WDTC1: variants seen among roughly 807,000 people sequenced by gnomAD.
WDTC1 encodes WD and tetratricopeptide repeats 1, also known as WD and tetratricopeptide repeats protein 1.
Under a neutral mutation model 76.0 loss-of-function variants are expected in WDTC1, and 12 were observed. That is an observed-to-expected ratio of 0.16 (90% CI 0.10 to 0.26). WDTC1 has a LOEUF of 0.26. Ranked by LOEUF, WDTC1 falls within the 10% of genes least tolerant of loss-of-function variation. The probability of loss-of-function intolerance (pLI) is 1.00; values close to 1 mark genes in which losing one functional copy is unlikely to be tolerated. For synonymous variants in WDTC1, 326 were observed against 350.8 expected (o/e 0.93, Z 0.79); for missense variants, 511 against 908.8 (o/e 0.56, Z 5.63).
At chr1:27,258,534 AAAAAAAAG>A (rs1382746315) in intron 1 of WDTC1, among the ~76,000 whole-genome samples, 4 of 151,226 alleles carry the variant, frequency 2.6e-5, no homozygotes, top group Non-Finnish European at 5.9e-5. Context: ...TCTGCCAAAA[AAAAAAAAG>A]AAAAAAAAAG....
chr1:27,242,688 C>A, intron 1 of WDTC1, among the ~76,000 whole-genome samples: 1 of 152,104 alleles, frequency 6.6e-6, no homozygotes, highest in Non-Finnish European at 1.5e-5. Context: ...AGGCTGGCCT[C>A]AAACTCCTGA....
chr1:27,267,350 G>T (rs1307233896), intron 3 of WDTC1, among the ~76,000 whole-genome samples: 1 of 151,794 alleles, frequency 6.6e-6, no homozygotes, highest in African/African-American at 2.4e-5. Context: ...GGCTGAAGCA[G>T]TTCTTGTGCC....
chr1:27,264,268 A>G (rs942508377), intron 3 of WDTC1, among the ~76,000 whole-genome samples: 3 of 152,138 alleles, frequency 2.0e-5, no homozygotes, highest in Admixed American at 2.0e-4. Context: ...ATCCTGGACA[A>G]CAGAGTGAAA....
rs142112567 is a variant in WDTC1, at chr1:27,303,643, C to T, written c.1491C>T (p.Gly497=). 1,377 of 1,602,430 alleles carry T rather than the reference C, an allele frequency of 8.6e-4. 8 individuals carry two copies. Among genetic ancestry groups the T allele is most frequent in the South Asian group, 2.0e-3 (181 of 89,508 alleles). ...NDGEEKKGPG[G]GAPVRLRSTS... is the part of the protein sequence containing the mutation. ...CAGAGGAGAAGAAGGGACCTGGTGG[C>T]GGCGCCCCAGTCCGCCTCCGCAGCA... is the stretch of plus-strand genomic sequence containing the variant. The change falls in exon 14 of 16, where the codon GGC becomes GGT. Residue 497 remains glycine, a synonymous_variant. Coordinates refer to ENST00000319394, the MANE Select transcript of WDTC1 (RefSeq NM_001276252.2). This position sits in a 1 kb window ranked among gnomAD's most constrained non-coding sequence, Gnocchi z 4.8.
chr1:27,290,527 G>A (rs535633318), intron 6 of WDTC1, among the ~76,000 whole-genome samples: 3 of 152,278 alleles, frequency 2.0e-5, no homozygotes, highest in South Asian at 4.2e-4. Context: ...ACATAGAGCC[G>A]CTTGATACAT....
chr1:27,279,640 C>G (rs2147956905), intron 3 of WDTC1, among the ~76,000 whole-genome samples: 1 of 152,256 alleles, frequency 6.6e-6, no homozygotes, highest in Non-Finnish European at 1.5e-5. Context: ...GATCATGGCT[C>G]ACTGTAGCCT....
intron 1 of WDTC1, among the ~76,000 whole-genome samples, chr1:27,260,658 AACTTTAAGG>A (rs1429237629): frequency 6.6e-6 from 1 of 152,224 alleles, no homozygotes; most frequent in Non-Finnish European, 1.5e-5. Context: ...GCCTTGTTCT[AACTTTAAGG>A]ATATGCTACC....
At chr1:27,299,297 G>C (rs551092022) in intron 12 of WDTC1, among the ~76,000 whole-genome samples, 11 of 152,288 alleles carry the variant, frequency 7.2e-5, no homozygotes, top group Non-Finnish European at 1.6e-4. Flanking sequence ...CCAGACAGTG[G>C]GTAAAGTGGT....
chr1:27,234,606 A>G (rs971593791), upstream of WDTC1: 127 of 391,272 alleles, frequency 3.2e-4, no homozygotes, highest in Non-Finnish European at 3.2e-5. Flanking sequence ...GCGGAGGCGG[A>G]GACTGCGTGG....
intron 10 of WDTC1, among the ~76,000 whole-genome samples, chr1:27,296,822 C>CCCTAGCCCCAGCCCCAGT: frequency 6.6e-6 from 1 of 150,814 alleles, no homozygotes; most frequent in Non-Finnish European, 1.5e-5. Context: ...CCAGCCCCAG[C>CCCTAGCCCCAGCCCCAGT]CCCAGCTGAG....
At chr1:27,248,754 G>T (rs2011935068) in intron 1 of WDTC1, among the ~76,000 whole-genome samples, 1 of 152,026 alleles carries the variant, frequency 6.6e-6, no homozygotes, top group Non-Finnish European at 1.5e-5. Flanking sequence ...AAACCTCCTG[G>T]GCTCAAGCAG....
chr1:27,266,300 G>A lies in WDTC1; in HGVS notation c.132+3065G>A, dbSNP rs1193797961. ...GGTAGCCAAGGAGGAGAAAAAGCTT[G>A]AATGTGTTGATTTTTACAGTCTAAC... On this transcript the variant is annotated intron_variant, in intron 3 of 15. Transcript: ENST00000319394. Among the ~76,000 whole-genome samples, 25 of 152,130 alleles carry A rather than the reference G, an allele frequency of 1.6e-4. 1 individual carries two copies. Among genetic ancestry groups the A allele is most frequent in the Admixed American group, 1.6e-3 (25 of 15,262 alleles).
At chr1:27,289,121 G>T (rs1279217450) in intron 6 of WDTC1, among the ~76,000 whole-genome samples, 2 of 148,724 alleles carry the variant, frequency 1.3e-5, no homozygotes, top group Non-Finnish European at 3.0e-5. Flanking sequence ...CGGCTGGCTG[G>T]GCAGAGGGGC....
chr1:27,258,323 G>A lies in WDTC1; in HGVS notation c.-99-2633G>A, dbSNP rs1461840425. 4.6e-5 allele frequency among the ~76,000 whole-genome samples: 7 copies of A among 151,192 alleles called. No individual in the cohort carries two copies. The East Asian group carries it at 5.9e-4, about 13-fold the overall frequency. ...TGAGGCGGGCGGATCACCTGAGGTC[G>A]GGAGTTCGAGACCAGCCTGGTCAAC... On this transcript the variant is annotated intron_variant, in intron 1 of 15. Coordinates refer to ENST00000319394, the MANE Select transcript of WDTC1 (RefSeq NM_001276252.2).
At chr1:27,279,225 T>C (rs2013123002) in intron 3 of WDTC1, among the ~76,000 whole-genome samples, 1 of 151,996 alleles carries the variant, frequency 6.6e-6, no homozygotes, top group Non-Finnish European at 1.5e-5. Flanking sequence ...AATAGGTGCT[T>C]GAATAATTGT....
intron 5 of WDTC1, among the ~76,000 whole-genome samples, chr1:27,284,803 C>CTT (rs1457172542): frequency 2.6e-5 from 4 of 151,530 alleles, no homozygotes; most frequent in Non-Finnish European, 5.9e-5. Context: ...ATTCTTCTTT[C>CTT]TTTAGGTAGT....
Position 27,234,736 on chromosome 1 carries a change from C to A in WDTC1, c.-315C>A, listed in dbSNP as rs1328724428. 2.8e-5 allele frequency: 11 copies of A among 398,664 alleles called. No individual in the cohort carries two copies. The highest frequency in any genetic ancestry group is 4.9e-5 in the Non-Finnish European group (11 of 226,526). The allele number at this position is 398,664 out of a possible 1,614,324, so 24.7% of individuals were successfully genotyped here. On this transcript the variant is annotated 5_prime_UTR_variant, in exon 1 of 16. Transcript: ENST00000319394. The stretch of plus-strand genomic sequence containing the variant: ...GCGAGGGAGTGTGAGTGTGTGTGAG[C>A]GCGGGTGTGAGGCGGTGCGCAGGGG...
chr1:27,282,318 G>GT (rs1426751376), intron 4 of WDTC1, 33 bp downstream of exon 4: 2 of 1,606,106 alleles, frequency 1.2e-6, no homozygotes, highest in Non-Finnish European at 1.7e-6. Context: ...GAAGGGTGCT[G>GT]GGGAAGGAAG....
rs770324087 is a variant in WDTC1, at chr1:27,292,350, C to T, written c.615C>T (p.Ser205=). ...QDNNCLAVGA[S]GPFVRLYDIR... is the part of the protein sequence containing the mutation. The stretch of plus-strand genomic sequence containing the variant: ...ACAACTGCCTGGCAGTTGGGGCCAG[C>T]GGGCCCTTCGTGAGGCTCTATGACA... Residue 205 remains serine (S), a synonymous_variant, in exon 7 of 16, where the codon AGC becomes AGT. Coordinates refer to ENST00000319394, the MANE Select transcript of WDTC1 (RefSeq NM_001276252.2). 21 of 1,611,004 alleles carry T rather than the reference C, an allele frequency of 1.3e-5. No homozygotes were observed. The highest frequency in any genetic ancestry group is 6.7e-5 in the African/African-American group (5 of 74,810).
Sources: gnomAD v4.1 joint callset for allele counts (sites outside exome capture counted in the v4.1 genomes callset) on GRCh38, gnomAD v4.1.1 for gene constraint, Gnocchi (gnomAD v3.1) non-coding constraint, MANE v1.5 for transcripts, NCBI Gene and HGNC (gene_info 2026-07-23, HGNC 2026-07-21) for gene names.